The following AVEN variants were observed in gnomAD, a reference collection of about 807,000 sequenced individuals.
AVEN encodes the protein apoptosis and caspase activation inhibitor, also known as cell death regulator Aven.
In AVEN, 41 loss-of-function variants were observed where a neutral mutation model predicts 38.1. The ratio of observed to expected loss-of-function variants is 1.08; its 90% CI spans 0.84 to 1.40. AVEN has a LOEUF of 1.40. Among genes scored for constraint, AVEN ranks in the 40% most tolerant of loss-of-function variants. The probability of loss-of-function intolerance (pLI) is 0.00; values close to 1 mark genes in which losing one functional copy is unlikely to be tolerated. For synonymous variants in AVEN, 206 were observed against 171.8 expected, an observed-to-expected ratio of 1.20 and a Z score of -1.56; for missense variants, 605 against 438.8, an observed-to-expected ratio of 1.38 and a Z score of -3.38.
At chr15:33,862,615 G>A (rs1249290227), downstream of AVEN, among the ~76,000 whole-genome samples, 1 of 152,110 alleles carries the variant, frequency 6.6e-6, no homozygotes, top group Non-Finnish European at 1.5e-5. Flanking sequence ...AAAAACATGA[G>A]TTTTGTTTTT....
intron 2 of AVEN, among the ~76,000 whole-genome samples, chr15:33,952,844 T>C (rs1286557172): frequency 1.5e-5 from 2 of 136,682 alleles, no homozygotes; most frequent in African/African-American, 5.5e-5. Context: ...CCCTTGTCCA[T>C]AAGAGGCTAA....
At chr15:33,979,613 T>G (rs964202976) in intron 2 of AVEN, among the ~76,000 whole-genome samples, 1 of 152,230 alleles carries the variant, frequency 6.6e-6, no homozygotes, top group African/African-American at 2.4e-5. Flanking sequence ...AGCCTCGGTT[T>G]CCTCCTTTAA....
At chr15:33,928,924 T>C (rs1893734319) in intron 2 of AVEN, among the ~76,000 whole-genome samples, 1 of 152,188 alleles carries the variant, frequency 6.6e-6, no homozygotes, top group South Asian at 2.1e-4. Context: ...TAAATAATAC[T>C]GTGGAATACT....
intron 2 of AVEN, among the ~76,000 whole-genome samples, chr15:33,917,567 C>T (rs537740663): frequency 6.7e-6 from 1 of 148,910 alleles, no homozygotes; most frequent in East Asian, 2.0e-4. Flanking sequence ...TATGTATACA[C>T]ACACACACAC....
At chr15:33,866,985 T>G (rs961536101) in intron 5 of AVEN, among the ~76,000 whole-genome samples, 4 of 152,182 alleles carry the variant, frequency 2.6e-5, no homozygotes, top group Non-Finnish European at 5.9e-5. Context: ...CTATTATTAT[T>G]GCAGCAGTCC....
intron 2 of AVEN, among the ~76,000 whole-genome samples, chr15:33,900,306 A>G (rs1892437157): frequency 1.2e-5 from 1 of 83,834 alleles, no homozygotes; most frequent in Non-Finnish European, 2.8e-5. Flanking sequence ...TTTTGGGAGA[A>G]CATTTTTTTT....
At chr15:33,982,705 C>CTAATTGTTTTGTATTTTT (rs1896207965) in intron 2 of AVEN, among the ~76,000 whole-genome samples, 4 of 152,238 alleles carry the variant, frequency 2.6e-5, no homozygotes, top group South Asian at 4.2e-4. Flanking sequence ...CCAAGAACAG[C>CTAATTGTTTTGTATTTTT]AGTAAAGAAT....
the AVEN span, chr15:33,853,667 C>CT: frequency 6.2e-7 from 1 of 1,613,780 alleles, no homozygotes; most frequent in South Asian, 1.1e-5. Context: ...GCAGAAGCGG[C>CT]TTCTCTGGTG....
At chr15:33,949,283 C>T (rs528995314) in intron 2 of AVEN, among the ~76,000 whole-genome samples, 9 of 149,880 alleles carry the variant, frequency 6.0e-5, no homozygotes, top group Non-Finnish European at 1.0e-4. Context: ...GCCTCAGCCT[C>T]GGCTGGGATT....
chr15:33,885,539 T>C (rs1430467057), intron 2 of AVEN: 1 of 152,222 alleles, frequency 6.6e-6, no homozygotes, highest in Non-Finnish European at 1.5e-5. Context: ...ATTTTAAAAG[T>C]TAGGCTGAGC....
At chr15:33,878,214 T>C (rs1034247497) in intron 2 of AVEN, among the ~76,000 whole-genome samples, 3 of 152,174 alleles carry the variant, frequency 2.0e-5, no homozygotes, top group African/African-American at 4.8e-5. Context: ...TTTTAAAATA[T>C]ATGAAACGAA....
chr15:34,011,032 A>G (rs1897614565), intron 1 of AVEN, among the ~76,000 whole-genome samples: 1 of 152,144 alleles, frequency 6.6e-6, no homozygotes, highest in African/African-American at 2.4e-5. Context: ...TCGATATTTG[A>G]AAAGTGTGCT....
chr15:33,928,735 C>T (rs146643032), intron 2 of AVEN, among the ~76,000 whole-genome samples: 2 of 152,250 alleles, frequency 1.3e-5, no homozygotes, highest in Non-Finnish European at 2.9e-5. Flanking sequence ...TGCACAAGTA[C>T]CAAGAGTCAC....
intron 5 of AVEN, among the ~76,000 whole-genome samples, chr15:34,057,114 A>T (rs1216404460): frequency 6.7e-6 from 1 of 148,460 alleles, no homozygotes; most frequent in Non-Finnish European, 1.5e-5. Flanking sequence ...GCTCATTCCT[A>T]CCAGGAGAAG....
intron 1 of AVEN, among the ~76,000 whole-genome samples, chr15:34,033,836 A>G (rs1261115457): frequency 1.3e-5 from 2 of 152,130 alleles, no homozygotes; most frequent in Non-Finnish European, 2.9e-5. Flanking sequence ...TCTCCAGGGT[A>G]AAGAGCAGTG....
chr15:33,859,586 C>T, intron 11 of AVEN: 1 of 1,613,924 alleles, frequency 6.2e-7, no homozygotes. Context: ...GTTACCTTTT[C>T]CACATGTACG....
chr15:34,039,916 C>A (rs193182508), upstream of AVEN, among the ~76,000 whole-genome samples: 3 of 152,286 alleles, frequency 2.0e-5, no homozygotes, highest in Admixed American at 2.0e-4. Flanking sequence ...TCCCTTCTTT[C>A]AACCAAGGAG....
intron 1 of AVEN, among the ~76,000 whole-genome samples, chr15:34,073,468 A>G (rs1900670756): frequency 6.7e-6 from 1 of 150,042 alleles, no homozygotes; most frequent in African/African-American, 2.4e-5. Context: ...CAAAAAAATC[A>G]TAAGGCTTCG....
chr15:33,994,514 C>T (rs1435042126), intron 2 of AVEN, among the ~76,000 whole-genome samples: 1 of 152,184 alleles, frequency 6.6e-6, no homozygotes, highest in Non-Finnish European at 1.5e-5. Flanking sequence ...CATCCTCACC[C>T]TGGTCTGTGG....
Sources: gnomAD v4.1 joint callset for allele counts (sites outside exome capture counted in the v4.1 genomes callset) on GRCh38, gnomAD v4.1.1 for gene constraint, MANE v1.5 for transcripts, NCBI Gene and HGNC (gene_info 2026-07-23, HGNC 2026-07-21) for gene names.